ATXN10: variants seen among roughly 807,000 people sequenced by gnomAD.
ATXN10 encodes ataxin 10, also known as ataxin-10.
Under a neutral mutation model 52.9 loss-of-function variants are expected in ATXN10, and 28 were observed. The ratio of observed to expected loss-of-function variants is 0.53; its 90% CI spans 0.39 to 0.73. The LOEUF (loss-of-function observed/expected upper bound fraction) is 0.73, where lower values mean the gene tolerates loss of function less well. Among genes scored for constraint, ATXN10 ranks in the 30% least tolerant of loss-of-function variants. The pLI is 0.00. For missense variants in ATXN10, 565 were observed against 577.0 expected (o/e 0.98, Z 0.21); for synonymous variants, 226 against 221.5 (o/e 1.02, Z -0.18).
chr22:45,726,938 C>G (rs572921558), intron 6 of ATXN10, among the ~76,000 whole-genome samples: 3 of 152,300 alleles, frequency 2.0e-5, no homozygotes, highest in Admixed American at 2.0e-4. Context: ...GCCTTTGCCT[C>G]CCAAAGTGTT....
intron 9 of ATXN10, among the ~76,000 whole-genome samples, chr22:45,747,451 C>T (rs1925775307): frequency 6.6e-6 from 1 of 151,970 alleles, no homozygotes; most frequent in African/African-American, 2.4e-5. Context: ...CTGCAGTGCA[C>T]CGTGATTGTG....
In ATXN10 at chr22:45,845,160, C is replaced by A. The variant is rs558501775; in HGVS notation, c.*1489C>A. 1 of 152,342 alleles carries A rather than the reference C, an allele frequency of 6.6e-6. No individual in the cohort carries two copies. The highest frequency in any genetic ancestry group is 2.4e-5 in the African/African-American group (1 of 41,582). The allele number at this position is 152,342 out of a possible 1,614,324, so 9.4% of individuals were successfully genotyped here. A position where few individuals can be genotyped will look rare whatever the true frequency, so the allele number is the denominator to read the frequency against. On this transcript the variant is annotated 3_prime_UTR_variant, in exon 12 of 12. Transcript: ENST00000252934. This position sits in a 1 kb window ranked among gnomAD's most constrained non-coding sequence, Gnocchi z 4.7. ...CAAAGGGAGAAAACAGTGGGAGTCC[C>A]TTTTCCCTTTTAACAAGTTTGCAAT... is the stretch of plus-strand genomic sequence containing the variant.
intron 9 of ATXN10, among the ~76,000 whole-genome samples, chr22:45,743,447 GA>G (rs1925614240): frequency 6.6e-6 from 1 of 152,186 alleles, no homozygotes; most frequent in Non-Finnish European, 1.5e-5. Context: ...TCAAGGGATG[GA>G]ATTCACTCGC....
At position 45,770,944 on chromosome 22, in the gene ATXN10, A is replaced by C. The variant is rs1926755433; in HGVS notation, c.1173+30406A>C. Among the ~76,000 whole-genome samples, 1 of 152,216 alleles carries C rather than the reference A, an allele frequency of 6.6e-6. No individual in the cohort carries two copies. The highest frequency in any genetic ancestry group is 1.5e-5 in the Non-Finnish European group (1 of 68,038). ...AGAGCCTTCTCAGAGAGAAGAACCC[A>C]GATCCATCCTGGGAGCACTCGAGGC... On this transcript the variant is annotated intron_variant, in intron 9 of 11. Transcript: ENST00000252934. This position sits in a 1 kb window ranked among gnomAD's most constrained non-coding sequence, Gnocchi z 4.5.
At chr22:45,673,288 A>C (rs1198851723) in intron 1 of ATXN10, 1 of 152,294 alleles carries the variant, frequency 6.6e-6, no homozygotes, top group Admixed American at 6.5e-5. Context: ...ATGTATGTAC[A>C]AAGCAGAGGG....
At position 45,702,671 on chromosome 22, in the gene ATXN10, C is replaced by A. The variant is rs939190635; in HGVS notation, c.489-18C>A. 1.9e-6 allele frequency: 3 copies of A among 1,613,384 alleles called. No homozygotes were observed. The highest frequency in any genetic ancestry group is 2.7e-5 in the African/African-American group (2 of 74,918). On this transcript the variant is annotated intron_variant, in intron 4 of 11. Transcript: ENST00000252934. ...TGTTACTAAATTGGGCTAACAATCT[C>A]ATTTCCTTGTTTGGAAGGTCTTGCT...
Position 45,763,107 on chromosome 22 carries a change from G to C in ATXN10, c.1173+22569G>C, listed in dbSNP as rs1926457472. Among the ~76,000 whole-genome samples, 2 of 152,196 alleles carry C rather than the reference G, an allele frequency of 1.3e-5. No individual in the cohort carries two copies. ...GCTGTGGCTACAGCATTTTCATCTG[G>C]AAGGAGGCCTAGGAAATGATGTTTC... On this transcript the variant is annotated intron_variant, in intron 9 of 11. Coordinates refer to ENST00000252934, the MANE Select transcript of ATXN10 (RefSeq NM_013236.4). The surrounding 1 kb of genome is among the most constrained non-coding windows in gnomAD (Gnocchi z 6.9).
intron 10 of ATXN10, among the ~76,000 whole-genome samples, chr22:45,810,547 T>C (rs548977550): frequency 5.5e-4 from 84 of 152,372 alleles, no homozygotes; most frequent in Non-Finnish European, 8.7e-4. Flanking sequence ...ACTGAGTTAT[T>C]CATTGAAATT....
chr22:45,808,149 G>A (rs908235797), intron 10 of ATXN10, among the ~76,000 whole-genome samples: 13 of 152,134 alleles, frequency 8.5e-5, no homozygotes, highest in Non-Finnish European at 1.3e-4. Context: ...GGTTTAGTGC[G>A]TGGCATTATC....
intron 3 of ATXN10, among the ~76,000 whole-genome samples, chr22:45,699,490 CTT>C (rs917191404): frequency 6.8e-5 from 8 of 117,268 alleles, no homozygotes; most frequent in African/African-American, 9.8e-5. Flanking sequence ...TTTTTCTTTC[CTT>C]TTTTTTTTTT....
chr22:45,694,214 C>T (rs1366011109), intron 3 of ATXN10, among the ~76,000 whole-genome samples: 1 of 151,948 alleles, frequency 6.6e-6, no homozygotes, highest in African/African-American at 2.4e-5. Context: ...GGTCTTTGTT[C>T]TTCTAGCATC....
Position 45,681,066 on chromosome 22 carries a change from T to A in ATXN10, c.117-8646T>A, listed in dbSNP as rs894355859. On this transcript the variant is annotated intron_variant, in intron 1 of 11. Transcript: ENST00000252934. This position sits in a 1 kb window ranked among gnomAD's most constrained non-coding sequence, Gnocchi z 4.2. ...CACTCCAACTTTTAATCTCATGACA[T>A]CAGAGTATCCCTTGTTTAATCACTT... Among the ~76,000 whole-genome samples, 8 of 152,200 alleles carry A rather than the reference T, an allele frequency of 5.3e-5. No homozygotes were observed. Among genetic ancestry groups the A allele is most frequent in the African/African-American group, 1.7e-4 (7 of 41,452 alleles).
intron 10 of ATXN10, among the ~76,000 whole-genome samples, chr22:45,836,112 G>A (rs1321599177): frequency 1.3e-5 from 2 of 152,178 alleles, no homozygotes; most frequent in African/African-American, 2.4e-5. Context: ...TTTGTGGTGG[G>A]TATTGAACAC....
intron 7 of ATXN10, among the ~76,000 whole-genome samples, chr22:45,730,119 G>A (rs556391940): frequency 1.5e-4 from 23 of 152,238 alleles, no homozygotes; most frequent in African/African-American, 4.8e-4. Context: ...CAAGGCGGGA[G>A]GATCGCTTGA....
rs78359253 is a variant in ATXN10, at chr22:45,790,585, A to G, written c.1174-16374A>G. On this transcript the variant is annotated intron_variant, in intron 9 of 11. Coordinates refer to ENST00000252934, the MANE Select transcript of ATXN10 (RefSeq NM_013236.4). The surrounding 1 kb of genome is among the most constrained non-coding windows in gnomAD (Gnocchi z 4.7). ...CAGCAGATTTCAGTTAGTCTCTGAC[A>G]GTTGGGGGGCTACACATTTGGGAGC... Among the ~76,000 whole-genome samples, 7,119 of 152,306 alleles carry G rather than the reference A, an allele frequency of 0.047. 200 individuals carry two copies. Among genetic ancestry groups the G allele is most frequent in the Non-Finnish European group, 0.06 (4,110 of 68,022 alleles).
At position 45,843,519 on chromosome 22, in the gene ATXN10, C is replaced by A; in HGVS notation, c.1426-150C>A. 1.3e-6 allele frequency: 1 copy of A among 752,756 alleles called. No homozygotes were observed. Among genetic ancestry groups the A allele is most frequent in the Non-Finnish European group, 2.3e-6 (1 of 430,898 alleles). 46.6% of individuals were successfully genotyped at this position (752,756 alleles called of 1,614,324 possible). On this transcript the variant is annotated intron_variant, in intron 11 of 11. Coordinates refer to ENST00000252934, the MANE Select transcript of ATXN10 (RefSeq NM_013236.4). The surrounding 1 kb of genome is among the most constrained non-coding windows in gnomAD (Gnocchi z 4.5). ...GTTCACTATAGTTTAAAAAACAGAA[C>A]TCCTTGAATAATATTGCATGAATTG... is the stretch of plus-strand genomic sequence containing the variant.
chr22:45,832,832 A>G (rs1037444916), intron 10 of ATXN10, among the ~76,000 whole-genome samples: 4 of 152,246 alleles, frequency 2.6e-5, no homozygotes, highest in African/African-American at 7.2e-5. Flanking sequence ...TTTTCTCCCC[A>G]AAATGAAATA....
rs556414141 is a variant in ATXN10, at chr22:45,750,180, G to A, written c.1173+9642G>A. On this transcript the variant is annotated intron_variant, in intron 9 of 11. Coordinates refer to ENST00000252934, the MANE Select transcript of ATXN10 (RefSeq NM_013236.4). The surrounding 1 kb of genome is among the most constrained non-coding windows in gnomAD (Gnocchi z 4.2). ...TGCAGTGGTGTGATCACAGCTCACCGCAGTTCTGTGCTCAAGTGATCCTCC... is the reference window on the plus strand; with the variant it reads ...TGCAGTGGTGTGATCACAGCTCACCACAGTTCTGTGCTCAAGTGATCCTCC... 3.9e-5 allele frequency among the ~76,000 whole-genome samples: 6 copies of A among 152,200 alleles called. No homozygotes were observed. The highest frequency in any genetic ancestry group is 1.9e-4 in the East Asian group (1 of 5,172).
chr22:45,831,226 G>T (rs987485895), intron 10 of ATXN10, among the ~76,000 whole-genome samples: 1 of 152,178 alleles, frequency 6.6e-6, no homozygotes, highest in Non-Finnish European at 1.5e-5. Flanking sequence ...TGTTTAATGG[G>T]GACTGAGTTT....
Sources: gnomAD v4.1 joint callset for allele counts (sites outside exome capture counted in the v4.1 genomes callset) on GRCh38, gnomAD v4.1.1 for gene constraint, Gnocchi (gnomAD v3.1) non-coding constraint, MANE v1.5 for transcripts, NCBI Gene and HGNC (gene_info 2026-07-23, HGNC 2026-07-21) for gene names.